Variants in UNC13B observed in about 807,000 individuals in gnomAD.
UNC13B encodes unc-13 homolog B.
In UNC13B, 144 loss-of-function variants were observed where a neutral mutation model predicts 211.0. That is an observed-to-expected ratio of 0.68 (90% CI 0.60 to 0.78). The LOEUF is 0.78. UNC13B is among the 30% of genes least tolerant of loss of function. The probability of loss-of-function intolerance (pLI) is 0.00; values close to 1 mark genes in which losing one functional copy is unlikely to be tolerated. For missense variants in UNC13B, 1,777 were observed against 2,002.0 expected (o/e 0.89, Z 2.14); for synonymous variants, 709 against 725.8 (o/e 0.98, Z 0.37).
chr9:35,203,808 G>A (rs910059232), intron 1 of UNC13B, among the ~76,000 whole-genome samples: 1 of 152,194 alleles, frequency 6.6e-6, no homozygotes, highest in African/African-American at 2.4e-5. Context: ...TTGTAGCCTA[G>A]CCATGTGGTA....
At chr9:35,273,334 T>C (rs921681623) in intron 7 of UNC13B, among the ~76,000 whole-genome samples, 1 of 152,216 alleles carries the variant, frequency 6.6e-6, no homozygotes, top group Non-Finnish European at 1.5e-5. Flanking sequence ...TAAAATTACT[T>C]ACCTTTCCTC....
intron 6 of UNC13B, among the ~76,000 whole-genome samples, chr9:35,252,712 C>T (rs1050740415): frequency 1.8e-4 from 28 of 151,988 alleles, no homozygotes; most frequent in African/African-American, 5.8e-4. Context: ...GGGCGGATCA[C>T]GAGGTCAGGA....
chr9:35,164,601 C>G (rs532216764), intron 1 of UNC13B, among the ~76,000 whole-genome samples: 29 of 152,332 alleles, frequency 1.9e-4, no homozygotes, highest in African/African-American at 6.3e-4. Context: ...GTTTAAGGCT[C>G]TCAATACTCT....
At chr9:35,170,643 A>C (rs1051427065) in intron 1 of UNC13B, among the ~76,000 whole-genome samples, 1 of 151,018 alleles carries the variant, frequency 6.6e-6, no homozygotes, top group South Asian at 2.1e-4. Flanking sequence ...TAATTAAAAA[A>C]AAATTTTTTT....
At position 35,301,849 on chromosome 9, in the gene UNC13B, C is replaced by T. The variant is rs759726366; in HGVS notation, c.2445C>T (p.Ser815=). Residue 815 remains serine (S), a synonymous_variant, in exon 9 of 40, where the codon AGC becomes AGT. Coordinates refer to ENST00000635942, the MANE Select transcript of UNC13B (RefSeq NM_001371189.2). The stretch of plus-strand genomic sequence containing the variant: ...TTGAGCCACTCAGAAAATCATTTAG[C>T]CAGTTTTTGCTCACTTCCCCTGAGA... The part of the protein sequence containing the change: ...DFLEPLRKSF[S]QFLLTSPETC... The T allele has an allele frequency of 1.0e-5, 4 of 398,646 alleles. No individual in the cohort carries two copies. Among genetic ancestry groups the T allele is most frequent in the Non-Finnish European group, 1.8e-5 (4 of 225,906 alleles). 24.7% of individuals were successfully genotyped at this position (398,646 alleles called of 1,614,324 possible).
Position 35,221,914 on chromosome 9 carries a change from C to T in UNC13B, c.23-6101C>T, listed in dbSNP as rs1262734643. 2.6e-5 allele frequency among the ~76,000 whole-genome samples: 4 copies of T among 152,192 alleles called. No homozygotes were observed. The East Asian group carries it at 5.8e-4, about 22-fold the overall frequency. On this transcript the variant is annotated intron_variant, in intron 1 of 39. Coordinates refer to ENST00000635942, the MANE Select transcript of UNC13B (RefSeq NM_001371189.2). Reference sequence around the variant, plus strand: ...TCAGTACCATTGTTAAAAAGATTATCTTTTCCCTCAATTGAATTGCCTTGG... The same window carrying T: ...TCAGTACCATTGTTAAAAAGATTATTTTTTCCCTCAATTGAATTGCCTTGG...
rs1829793232 is a variant in UNC13B at position 35,303,688 on chromosome 9, T to C, written c.4284T>C (p.Tyr1428=). The change falls in exon 9 of 40, where the codon TAT becomes TAC. Residue 1428 remains tyrosine, a synonymous_variant. Transcript: ENST00000635942. ...GTGTCATTTGGTGTGACTTACCATA[T>C]GAATCATTCAATCAGTTAGCATTTA... ...PNSVIWCDLP[Y]ESFNQLAFNE... is the part of the protein sequence containing the mutation. 5.0e-6 allele frequency: 2 copies of C among 398,668 alleles called. No homozygotes were observed. Among genetic ancestry groups the C allele is most frequent in the Non-Finnish European group, 8.9e-6 (2 of 225,864 alleles). 24.7% of individuals were successfully genotyped at this position (398,668 alleles called of 1,614,324 possible).
chr9:35,267,095 G>T (rs1022943), intron 7 of UNC13B, among the ~76,000 whole-genome samples: 149,221 of 152,316 alleles, frequency 0.98, 73,159 homozygotes, highest in East Asian at 1. Flanking sequence ...GTGACCAGGG[G>T]AGATACATTG....
At chr9:35,340,365 G>A (rs1831914032) in intron 11 of UNC13B, among the ~76,000 whole-genome samples, 1 of 152,162 alleles carries the variant, frequency 6.6e-6, no homozygotes, top group Non-Finnish European at 1.5e-5. Flanking sequence ...CAATGTTATT[G>A]GAAGAAGGCA....
chr9:35,174,944 A>G (rs1408194722), intron 1 of UNC13B, among the ~76,000 whole-genome samples: 1 of 152,076 alleles, frequency 6.6e-6, no homozygotes, highest in Admixed American at 6.5e-5. Context: ...AAGTGCTGGG[A>G]TTACAGGCAT....
chr9:35,288,852 G>A (rs1395523649), intron 7 of UNC13B, among the ~76,000 whole-genome samples: 1 of 152,220 alleles, frequency 6.6e-6, no homozygotes, highest in Non-Finnish European at 1.5e-5. Context: ...GCTCACAATT[G>A]TGGTGAGAAA....
intron 1 of UNC13B, among the ~76,000 whole-genome samples, chr9:35,226,499 G>A (rs528831966): frequency 6.6e-6 from 1 of 152,294 alleles, no homozygotes; most frequent in Non-Finnish European, 1.5e-5. Context: ...TGCAAACTGC[G>A]GAGCTGGGAA....
chr9:35,258,515 T>G (rs1333405388), intron 6 of UNC13B, among the ~76,000 whole-genome samples: 1 of 152,194 alleles, frequency 6.6e-6, no homozygotes, highest in East Asian at 1.9e-4. Flanking sequence ...CACCACATGC[T>G]TAGGTAAGCA....
At chr9:35,319,624 C>T (rs1203226166) in intron 11 of UNC13B, among the ~76,000 whole-genome samples, 1 of 151,492 alleles carries the variant, frequency 6.6e-6, no homozygotes, top group Non-Finnish European at 1.5e-5. Flanking sequence ...TATGAGTACC[C>T]AATGTTTAGA....
chr9:35,218,859 C>T (rs1824408199), intron 1 of UNC13B, among the ~76,000 whole-genome samples: 1 of 151,888 alleles, frequency 6.6e-6, no homozygotes, highest in East Asian at 1.9e-4. Flanking sequence ...AAGTGATTCT[C>T]CTGCCTCAGC....
At chr9:35,257,512 C>T (rs141936252) in intron 6 of UNC13B, among the ~76,000 whole-genome samples, 2,983 of 125,692 alleles carry the variant, frequency 0.024, 109 homozygotes, top group African/African-American at 0.082. Context: ...ACCCAGGAGG[C>T]GAAGGTTGCA....
chr9:35,299,349 A>G (rs1235458551), intron 8 of UNC13B, among the ~76,000 whole-genome samples: 1 of 152,240 alleles, frequency 6.6e-6, no homozygotes, highest in Non-Finnish European at 1.5e-5. Context: ...TAAAAGAAAT[A>G]TGTTTGACTA....
In UNC13B at chr9:35,350,156, G is replaced by A. The variant is rs139900741; in HGVS notation, c.9415-16791G>A. On this transcript the variant is annotated intron_variant, in intron 11 of 39. Coordinates refer to ENST00000635942, the MANE Select transcript of UNC13B (RefSeq NM_001371189.2). ...TTGTACTTTCCACTCTACTGCTTCC[G>A]TACACTCTCCACATTCTCAGTAAAA... Among the ~76,000 whole-genome samples the A allele has an allele frequency of 3.9e-5, 6 of 152,090 alleles. No homozygotes were observed. In the East Asian group the frequency reaches 5.8e-4, roughly 15 times the overall value.
chr9:35,316,680 A>G (rs1830474727), intron 11 of UNC13B, among the ~76,000 whole-genome samples: 2 of 152,198 alleles, frequency 1.3e-5, no homozygotes, highest in African/African-American at 4.8e-5. Context: ...ACAATTTTGC[A>G]AGAACGGCTG....
Sources: allele counts gnomAD v4.1 joint callset (sites outside exome capture counted in the v4.1 genomes callset), GRCh38; gene constraint gnomAD v4.1.1; transcripts MANE v1.5; gene names NCBI Gene and HGNC (gene_info 2026-07-23, HGNC 2026-07-21).